Variants in SRPK2 observed in about 807,000 individuals in gnomAD.
SRPK2 encodes SRSF protein kinase 2.
Under a neutral mutation model 90.8 loss-of-function variants are expected in SRPK2, and 21 were observed. The ratio of observed to expected loss-of-function variants is 0.23; its 90% confidence interval spans 0.16 to 0.33. The LOEUF (loss-of-function observed/expected upper bound fraction) is 0.33. Among genes scored for constraint, SRPK2 ranks in the 10% least tolerant of loss-of-function variants. The pLI is 1.00. For synonymous variants in SRPK2, 288 were observed against 311.1 expected (o/e 0.93, Z 0.78); for missense variants, 620 against 869.0 (o/e 0.71, Z 3.60).
At chr7:105,261,664 C>T (rs1488084600) in intron 2 of SRPK2, among the ~76,000 whole-genome samples, 2 of 152,128 alleles carry the variant, frequency 1.3e-5, no homozygotes, top group African/African-American at 4.8e-5. Flanking sequence ...GAAAGTCTTC[C>T]TATAAAGCTC....
intron 2 of SRPK2, among the ~76,000 whole-genome samples, chr7:105,335,013 A>G (rs181122829): frequency 3.1e-5 from 4 of 127,860 alleles, no homozygotes; most frequent in African/African-American, 9.7e-5. Context: ...TACTACAAAT[A>G]CAAAAAAATT....
chr7:105,121,895 C>CACTACATG (rs1562951363), intron 15 of SRPK2, among the ~76,000 whole-genome samples: 1 of 152,200 alleles, frequency 6.6e-6, no homozygotes, highest in East Asian at 1.9e-4. Flanking sequence ...TGAGGTTCCA[C>CACTACATG]ACTACATGTG....
chr7:105,279,310 A>G (rs1806955881), intron 2 of SRPK2, among the ~76,000 whole-genome samples: 1 of 152,240 alleles, frequency 6.6e-6, no homozygotes, highest in Non-Finnish European at 1.5e-5. Flanking sequence ...AGCTGCTGCT[A>G]CTACTTATGA....
At chr7:105,354,008 C>T (rs1381203795) in intron 2 of SRPK2, among the ~76,000 whole-genome samples, 1 of 152,220 alleles carries the variant, frequency 6.6e-6, no homozygotes, top group Non-Finnish European at 1.5e-5. Context: ...ACAACAGATG[C>T]AGCGTTCAGG....
At chr7:105,326,881 G>A (rs1453445597) in intron 2 of SRPK2, among the ~76,000 whole-genome samples, 1 of 152,048 alleles carries the variant, frequency 6.6e-6, no homozygotes, top group Non-Finnish European at 1.5e-5. Flanking sequence ...GACCAACATG[G>A]TGAAACCCGG....
chr7:105,304,470 T>C (rs1415221102), intron 2 of SRPK2: 1 of 152,214 alleles, frequency 6.6e-6, no homozygotes, highest in Non-Finnish European at 1.5e-5. Context: ...CAGATTCATT[T>C]CAATTTGAAA....
intron 2 of SRPK2, among the ~76,000 whole-genome samples, chr7:105,293,143 C>A (rs56338352): frequency 2.0e-5 from 3 of 151,828 alleles, no homozygotes; most frequent in South Asian, 4.2e-4. Context: ...ACTAAAAATA[C>A]AAAAATTGGC....
intron 2 of SRPK2, among the ~76,000 whole-genome samples, chr7:105,379,628 T>C (rs1445914382): frequency 6.6e-6 from 1 of 152,182 alleles, no homozygotes; most frequent in Non-Finnish European, 1.5e-5. Flanking sequence ...CTGATCTACA[T>C]GGTCGTTACA....
At chr7:105,331,578 C>T (rs1814414617) in intron 2 of SRPK2, among the ~76,000 whole-genome samples, 2 of 152,048 alleles carry the variant, frequency 1.3e-5, no homozygotes, top group Admixed American at 1.3e-4. Context: ...TTGCAAAGTT[C>T]ACTCCTTCAA....
intron 2 of SRPK2, among the ~76,000 whole-genome samples, chr7:105,231,331 T>C (rs947325807): frequency 3.3e-5 from 5 of 152,200 alleles, no homozygotes; most frequent in African/African-American, 9.6e-5. Context: ...GGCATTTACA[T>C]TGATTCCATG....
At chr7:105,236,436 T>C (rs1320658214) in intron 2 of SRPK2, among the ~76,000 whole-genome samples, 1 of 152,100 alleles carries the variant, frequency 6.6e-6, no homozygotes, top group East Asian at 1.9e-4. Context: ...TGGTGGTGCA[T>C]AAAATAATGG....
At chr7:105,342,320 G>A (rs1289079843) in intron 2 of SRPK2, among the ~76,000 whole-genome samples, 3 of 150,374 alleles carry the variant, frequency 2.0e-5, no homozygotes, top group Admixed American at 6.6e-5. Context: ...GCAAAACTCC[G>A]TCTCAAATTA....
At chr7:105,204,513 C>T in intron 2 of SRPK2, 1 of 374,084 alleles carries the variant, frequency 2.7e-6, no homozygotes, top group South Asian at 2.2e-5. Context: ...GAAATAGGAC[C>T]CTACAGTCTC....
intron 11 of SRPK2, among the ~76,000 whole-genome samples, chr7:105,135,501 T>C (rs1165337684): frequency 3.9e-5 from 6 of 152,172 alleles, no homozygotes; most frequent in African/African-American, 1.2e-4. Flanking sequence ...ACTCAAATCA[T>C]AGGTCTAATG....
At chr7:105,248,368 ATTGT>A (rs905070691) in intron 2 of SRPK2, among the ~76,000 whole-genome samples, 1 of 150,264 alleles carries the variant, frequency 6.7e-6, no homozygotes, top group African/African-American at 2.4e-5. Flanking sequence ...AGGAAACAAG[ATTGT>A]TTAAGTCCAG....
At position 105,273,879 on chromosome 7, in the gene SRPK2, T is replaced by C. The variant is rs192010388; in HGVS notation, c.72-70094A>G. Among the ~76,000 whole-genome samples the C allele has an allele frequency of 1.6e-3, 241 of 152,272 alleles. 1 individual carries two copies. The highest frequency in any genetic ancestry group is 2.9e-3 in the Non-Finnish European group (194 of 68,032). On this transcript the variant is annotated intron_variant, in intron 2 of 15. Coordinates refer to ENST00000393651, the MANE Select transcript of SRPK2 (RefSeq NM_182692.3). Reference sequence around the variant, plus strand: ...TTACAATTGAGCTACATTAATTTATTCTTAAATATACATTTCCAGATACAC... The same window carrying C: ...TTACAATTGAGCTACATTAATTTATCCTTAAATATACATTTCCAGATACAC...
chr7:105,269,587 A>G (rs1805557024), intron 2 of SRPK2, among the ~76,000 whole-genome samples: 1 of 152,222 alleles, frequency 6.6e-6, no homozygotes, highest in African/African-American at 2.4e-5. Context: ...AAGGATTGAC[A>G]ATAGACATCT....
Position 105,132,994 on chromosome 7 carries a change from C to G in SRPK2, c.1644+10G>C. On this transcript the variant is annotated intron_variant, in intron 12 of 15. Coordinates refer to ENST00000393651, the MANE Select transcript of SRPK2 (RefSeq NM_182692.3). ...AAGACCAAAGGTTTTAGAAAGAAAA[C>G]TCTACTTACCACCCAACAAGCATTT... 1.9e-6 allele frequency: 3 copies of G among 1,614,068 alleles called. No individual in the cohort carries two copies. In the South Asian group the frequency reaches 3.3e-5, roughly 18 times the overall value.
chr7:105,389,836 G>A (rs186437311), upstream of SRPK2, among the ~76,000 whole-genome samples: 3 of 152,292 alleles, frequency 2.0e-5, no homozygotes, highest in East Asian at 5.8e-4. Flanking sequence ...GTTTTTGAAA[G>A]ATACGCATTC....
Sources: gnomAD v4.1 joint callset for allele counts (sites outside exome capture counted in the v4.1 genomes callset) on GRCh38, gnomAD v4.1.1 for gene constraint, MANE v1.5 for transcripts, NCBI Gene and HGNC (gene_info 2026-07-23, HGNC 2026-07-21) for gene names.